Variants in CHRNE observed in about 807,000 individuals in gnomAD.
CHRNE encodes cholinergic receptor nicotinic epsilon subunit.
A neutral mutation model predicts 56.5 loss-of-function variants in CHRNE; 58 were observed. The observed-to-expected ratio is 1.03, with a 90% CI of 0.83 to 1.28. The LOEUF (loss-of-function observed/expected upper bound fraction) is 1.28, where lower values mean the gene tolerates loss of function less well. Among genes scored for constraint, CHRNE ranks in the 50% most tolerant of loss-of-function variants. The pLI is 0.00. For missense variants in CHRNE, 793 were observed against 688.9 expected, an observed-to-expected ratio of 1.15 and a Z score of -1.69; for synonymous variants, 385 against 297.9, an observed-to-expected ratio of 1.29 and a Z score of -3.01.
At chr17:4,900,935 C>T (rs1288890792) in intron 7 of CHRNE, 28 bp from the exon 8 acceptor site, 15 of 1,613,926 alleles carry the variant, frequency 9.3e-6, no homozygotes, top group African/African-American at 2.7e-5. Context: ...GAGAGCGGGC[C>T]CCGCCTCCCG....
chr17:4,900,210 C>A (rs1039636061), intron 8 of CHRNE: 1 of 1,544,570 alleles, frequency 6.5e-7, no homozygotes, highest in African/African-American at 1.4e-5. Flanking sequence ...CTCTGCCTCC[C>A]CGCTAACCCC....
rs958078989 is a variant in CHRNE, at chr17:4,902,050, C to T, written c.382G>A (p.Val128Met). The T allele has an allele frequency of 6.2e-7, 1 of 1,614,108 alleles. No individual in the cohort carries two copies. ...ACGGAGCCGCCCTCGTAGACGAGCA[C>T]GTTGGCGTCGTAGGCCACTCCGAAC... ...GQFGVAYDAN[V>M]LVYEGGSVTW... The change falls in exon 5 of 12, where the codon GTG (valine) becomes ATG (methionine). Residue 128 changes from valine to methionine, a missense_variant. Transcript: ENST00000649488. The surrounding 1 kb of genome is among the most constrained non-coding windows in gnomAD (Gnocchi z 4.0).
intron 7 of CHRNE, 24 bp downstream of exon 7, chr17:4,900,966 G>A (rs1380954586): frequency 6.2e-7 from 1 of 1,613,978 alleles, no homozygotes; most frequent in Admixed American, 1.7e-5. Context: ...CGGGTTTGGG[G>A]GTAGGTTCGG....
upstream of CHRNE, chr17:4,903,147 G>T (rs1207306619): frequency 4.3e-6 from 6 of 1,402,570 alleles, no homozygotes; most frequent in East Asian, 1.4e-4. Context: ...GGGGGAGGAG[G>T]GTGTTAGTTC....
rs748103983 is a variant in CHRNE at position 4,902,726 on chromosome 17, A to C, written c.84T>G (p.Tyr28Ter). 4.3e-6 allele frequency: 7 copies of C among 1,613,998 alleles called. No individual in the cohort carries two copies. Among genetic ancestry groups the C allele is most frequent in the Non-Finnish European group, 5.9e-6 (7 of 1,179,998 alleles). Residue 28 changes from tyrosine (Y) to a stop codon, truncating the protein, a stop_gained, in exon 2 of 12, where the codon TAT (tyrosine) becomes TAG (stop). Transcript: ENST00000649488. LOFTEE classifies it high-confidence loss of function. This position sits in a 1 kb window ranked among gnomAD's most constrained non-coding sequence, Gnocchi z 4.0. ...GVGKNEELRL[Y>*]HHLFNNYDPG... is the part of the protein sequence containing the mutation. ...GGTCATAGTTGTTGAAGAGATGGTG[A>C]TAAAGACGCAGTTCCTCGTTCTTCC... is the stretch of plus-strand genomic sequence containing the variant.
Position 4,899,546 on chromosome 17 carries a change from A to G in CHRNE, c.954T>C (p.Ile318=), listed in dbSNP as rs947816370. The change falls in exon 9 of 12, where the codon ATT becomes ATC. Residue 318 remains isoleucine (I), a synonymous_variant. Transcript: ENST00000649488. ...LIFVMVVATL[I]VMNCVIVLNV... ...TGAGCACGATGACGCAATTCATGAC[A>G]ATGAGCGTGGCGACCACCATGACGA... is the stretch of plus-strand genomic sequence containing the variant. The G allele has an allele frequency of 6.3e-7, 1 of 1,599,422 alleles. No homozygotes were observed. The highest frequency in any genetic ancestry group is 8.5e-7 in the Non-Finnish European group (1 of 1,174,328).
Position 4,901,543 on chromosome 17 carries a change from C to T in CHRNE, c.583G>A (p.Asp195Asn), listed in dbSNP as rs774425374. 1.2e-6 allele frequency: 2 copies of T among 1,614,104 alleles called. No homozygotes were observed. The highest frequency in any genetic ancestry group is 2.2e-5 in the South Asian group (2 of 91,080). Residue 195 changes from aspartate to asparagine, a missense_variant, in exon 6 of 12, where the codon GAC becomes AAC. Coordinates refer to ENST00000649488, the MANE Select transcript of CHRNE (RefSeq NM_000080.4). ...DGKTINKIDI[D>N]TEAYTENGEW... The stretch of plus-strand genomic sequence containing the variant: ...GCTTCACCAGTATAGGCCTCTGTGT[C>T]GATGTCGATCTTGTTGATGGTCTTG...
In CHRNE at chr17:4,900,787, C is replaced by A. The variant is rs1484546606; in HGVS notation, c.917+6G>T. ...GGCCACACCCCCGCGGGGGCTCCGG[C>A]TTCACCTGCCCAGGAGCGGCACGCT... On this transcript the variant is annotated splice_donor_region_variant and intron_variant, in intron 8 of 11. Coordinates refer to ENST00000649488, the MANE Select transcript of CHRNE (RefSeq NM_000080.4). 1 of 1,612,638 alleles carries A rather than the reference C, an allele frequency of 6.2e-7. No homozygotes were observed. The highest frequency in any genetic ancestry group is 1.3e-5 in the African/African-American group (1 of 74,898).
rs371539398 is a variant in CHRNE, at chr17:4,898,435, A to C, written c.*301T>G. The C allele has an allele frequency of 8.3e-6, 4 of 484,190 alleles. No individual in the cohort carries two copies. The highest frequency in any genetic ancestry group is 1.5e-5 in the Non-Finnish European group (4 of 263,690). 30.0% of individuals were successfully genotyped at this position (484,190 alleles called of 1,614,324 possible). On this transcript the variant is annotated 3_prime_UTR_variant, in exon 12 of 12. Coordinates refer to ENST00000649488, the MANE Select transcript of CHRNE (RefSeq NM_000080.4). ...GATAGCTCACAAGCTGGCAGCCACC[A>C]GAGTCCCGTGGGGCTGAGCCTTAGA...
chr17:4,898,427 C>T lies in CHRNE; in HGVS notation c.*309G>A, dbSNP rs1024620923. 1 of 467,054 alleles carries T rather than the reference C, an allele frequency of 2.1e-6. No homozygotes were observed. Among genetic ancestry groups the T allele is most frequent in the East Asian group, 4.2e-5 (1 of 24,022 alleles). The allele number at this position is 467,054 out of a possible 1,614,324, so 28.9% of individuals were successfully genotyped here. A position where few individuals can be genotyped will look rare whatever the true frequency, so the allele number is the denominator to read the frequency against. On this transcript the variant is annotated 3_prime_UTR_variant, in exon 12 of 12. Transcript: ENST00000649488. ...TATAGATAGATAGCTCACAAGCTGGCAGCCACCAGAGTCCCGTGGGGCTGA... is the reference window on the plus strand; with the variant it reads ...TATAGATAGATAGCTCACAAGCTGGTAGCCACCAGAGTCCCGTGGGGCTGA...
Position 4,899,095 on chromosome 17 carries a change from T to TGGCAGAA in CHRNE, c.1225_1231dup (p.Gln411LeufsTer47). 1.2e-6 allele frequency: 2 copies of TGGCAGAA among 1,608,618 alleles called. No individual in the cohort carries two copies. Among genetic ancestry groups the TGGCAGAA allele is most frequent in the African/African-American group, 1.3e-5 (1 of 74,464 alleles). On this transcript the variant is annotated frameshift_variant, in exon 11 of 12. Coordinates refer to ENST00000649488, the MANE Select transcript of CHRNE (RefSeq NM_000080.4). LOFTEE classifies it high-confidence loss of function. ...CTCGGGGGCGGCGGCGCCCAGGCTC[T>TGGCAGAA]GGCAGAAGGCAGCTGGCGGGGAAAA...
chr17:4,903,064 C>T lies in CHRNE; in HGVS notation c.-1G>A, dbSNP rs746498663. ...GGACCCCAAGCGGAGCCCTTGCCAT[C>T]CTGCTGCGTGGTTCTCAGGGTTATT... On this transcript the variant is annotated 5_prime_UTR_variant, in exon 1 of 12. Transcript: ENST00000649488. The T allele has an allele frequency of 6.2e-6, 10 of 1,614,042 alleles. 1 individual carries two copies. In the South Asian group the frequency reaches 8.8e-5, roughly 14 times the overall value.
upstream of CHRNE, among the ~76,000 whole-genome samples, chr17:4,907,914 C>T (rs537173548): frequency 1.3e-5 from 2 of 152,172 alleles, no homozygotes; most frequent in Admixed American, 6.5e-5. Flanking sequence ...CGGTGGCTCA[C>T]ACCAGTAATC....
chr17:4,901,866 T>C (rs1024788438), intron 5 of CHRNE, 66 bp downstream of exon 5: 10 of 1,589,644 alleles, frequency 6.3e-6, no homozygotes, highest in African/African-American at 1.4e-5. Context: ...TGCTTCCCGG[T>C]TGGCCCCGCC....
chr17:4,908,574 C>T (rs1288332386), intron 1 of CHRNE, among the ~76,000 whole-genome samples: 1 of 152,174 alleles, frequency 6.6e-6, no homozygotes, highest in Non-Finnish European at 1.5e-5. Context: ...GACTTCCTGC[C>T]GAGTTAGTGG....
Position 4,902,073 on chromosome 17 carries a change from A to G in CHRNE, c.359T>C (p.Phe120Ser), listed in dbSNP as rs771356927. Reference sequence around the variant, plus strand: ...CACGTTGGCGTCGTAGGCCACTCCGAACTGGCCATCAATACTGTGGGCTCG... The same window carrying G: ...CACGTTGGCGTCGTAGGCCACTCCGGACTGGCCATCAATACTGTGGGCTCG... Reference protein sequence around the residue: ...IVLENNIDGQFGVAYDANVLV... With the variant: ...IVLENNIDGQSGVAYDANVLV... The change falls in exon 5 of 12, where the codon TTC becomes TCC. Residue 120 changes from phenylalanine (F) to serine (S), a missense_variant. By Grantham distance (155) the Phe-to-Ser change is radical (BLOSUM62 -2). Transcript: ENST00000649488. The surrounding 1 kb of genome is among the most constrained non-coding windows in gnomAD (Gnocchi z 4.0). 7.0e-5 allele frequency: 113 copies of G among 1,613,860 alleles called. No homozygotes were observed. Among genetic ancestry groups the G allele is most frequent in the Non-Finnish European group, 9.2e-5 (109 of 1,180,020 alleles).
At chr17:4,906,527 G>C (rs909221851), upstream of CHRNE, among the ~76,000 whole-genome samples, 2 of 152,132 alleles carry the variant, frequency 1.3e-5, no homozygotes, top group Non-Finnish European at 2.9e-5. Flanking sequence ...GAGGGCAGAA[G>C]ATTTGAATAG....
At position 4,900,457 on chromosome 17, in the gene CHRNE, T is replaced by C. The variant is rs1490220376; in HGVS notation, c.917+336A>G. On this transcript the variant is annotated intron_variant, in intron 8 of 11. Transcript: ENST00000649488. ...CGGGGTCTGCAGGGGTCTGCCTCAT[T>C]CCTGCGACAGTCGCAACAGCAGCTA... The C allele has an allele frequency of 1.9e-6, 3 of 1,550,898 alleles. No homozygotes were observed. In the African/African-American group the frequency reaches 4.1e-5, roughly 21 times the overall value.
upstream of CHRNE, among the ~76,000 whole-genome samples, chr17:4,907,497 G>A (rs1597626356): frequency 3.4e-5 from 5 of 147,736 alleles, no homozygotes; most frequent in African/African-American, 1.3e-4. Context: ...GAACCCGGGA[G>A]GCGGAGCTTG....
Sources: gnomAD v4.1 joint callset for allele counts (sites outside exome capture counted in the v4.1 genomes callset) on GRCh38, gnomAD v4.1.1 for gene constraint, Gnocchi (gnomAD v3.1) non-coding constraint, MANE v1.5 for transcripts, NCBI Gene and HGNC (gene_info 2026-07-23, HGNC 2026-07-21) for gene names.